UBTD1: variants seen among roughly 807,000 people sequenced by gnomAD.
The protein encoded by UBTD1 is ubiquitin domain-containing protein 1.
UBTD1 carries 19 observed loss-of-function variants against 21.7 expected under a neutral mutation model. The observed-to-expected ratio is 0.87, with a 90% CI of 0.61 to 1.28. UBTD1 has a LOEUF of 1.28. UBTD1 is among the 50% of genes most tolerant of loss of function. The pLI is 0.00. For missense variants in UBTD1, 282 were observed against 315.1 expected (o/e 0.89, Z 0.80); for synonymous variants, 116 against 135.1 (o/e 0.86, Z 0.98).
intron 1 of UBTD1, among the ~76,000 whole-genome samples, chr10:97,531,486 A>G (rs2040531849): frequency 1.3e-5 from 2 of 152,120 alleles, no homozygotes; most frequent in Non-Finnish European, 1.5e-5. Flanking sequence ...CCTGACCTCA[A>G]GTGATCTGCC....
chr10:97,521,663 T>G (rs1403576314), intron 1 of UBTD1, among the ~76,000 whole-genome samples: 2 of 152,258 alleles, frequency 1.3e-5, no homozygotes, highest in Non-Finnish European at 2.9e-5. Context: ...AACCAGATCC[T>G]GGAGCTCTGT....
chr10:97,556,348 C>T (rs572277964), intron 1 of UBTD1, among the ~76,000 whole-genome samples: 1 of 152,168 alleles, frequency 6.6e-6, no homozygotes, highest in Non-Finnish European at 1.5e-5. Flanking sequence ...AAATTTTTCA[C>T]AAACACCTTC....
At chr10:97,549,496 A>T (rs1185276159) in intron 1 of UBTD1, among the ~76,000 whole-genome samples, 1 of 152,200 alleles carries the variant, frequency 6.6e-6, no homozygotes, top group Non-Finnish European at 1.5e-5. Context: ...GAACTGGAGG[A>T]TGTCCCAGCC....
intron 1 of UBTD1, among the ~76,000 whole-genome samples, chr10:97,516,282 T>G (rs1432438357): frequency 6.6e-6 from 1 of 152,236 alleles, no homozygotes; most frequent in Non-Finnish European, 1.5e-5. Context: ...GCCTCTCTGC[T>G]TTTGTCTGAG....
At chr10:97,540,084 G>T (rs1477875514) in intron 1 of UBTD1, among the ~76,000 whole-genome samples, 4 of 152,194 alleles carry the variant, frequency 2.6e-5, no homozygotes, top group Non-Finnish European at 5.9e-5. Context: ...CCAGGGTTGG[G>T]GTCATCGCCT....
At chr10:97,562,738 C>T (rs1224576392) in intron 1 of UBTD1, among the ~76,000 whole-genome samples, 2 of 152,184 alleles carry the variant, frequency 1.3e-5, no homozygotes, top group Non-Finnish European at 2.9e-5. Flanking sequence ...AAGGCAGGAA[C>T]TGGGCTATTT....
At chr10:97,525,910 A>C (rs1346699569) in intron 1 of UBTD1, among the ~76,000 whole-genome samples, 1 of 152,240 alleles carries the variant, frequency 6.6e-6, no homozygotes, top group Non-Finnish European at 1.5e-5. Context: ...CTTGATTTCC[A>C]TGCTAAGGTG....
chr10:97,546,589 G>GAA (rs397741674), intron 1 of UBTD1, among the ~76,000 whole-genome samples: 67,049 of 117,918 alleles, frequency 0.57, 21,625 homozygotes, highest in Non-Finnish European at 0.72. Context: ...CCCTGTCTCA[G>GAA]AAAAAAAAAA....
At chr10:97,543,354 C>T (rs553203583) in intron 1 of UBTD1, among the ~76,000 whole-genome samples, 40 of 152,294 alleles carry the variant, frequency 2.6e-4, no homozygotes, top group African/African-American at 8.4e-4. Flanking sequence ...CTGCATGGCC[C>T]GAGCCTGGCT....
chr10:97,512,395 C>A (rs2040426596), intron 1 of UBTD1, among the ~76,000 whole-genome samples: 1 of 152,222 alleles, frequency 6.6e-6, no homozygotes. Flanking sequence ...GCCAAGAGCT[C>A]ATTTAGGTCT....
intron 1 of UBTD1, among the ~76,000 whole-genome samples, chr10:97,504,295 C>T (rs188243416): frequency 2.6e-3 from 351 of 133,590 alleles, no homozygotes; most frequent in Non-Finnish European, 3.9e-3. Flanking sequence ...AACTGTAAGT[C>T]AGATTTCATT....
At chr10:97,511,660 A>ATT (rs35345352) in intron 1 of UBTD1, among the ~76,000 whole-genome samples, 11 of 148,816 alleles carry the variant, frequency 7.4e-5, no homozygotes, top group African/African-American at 2.5e-4. Flanking sequence ...CATGGCATTG[A>ATT]TTTTTTTTTT....
chr10:97,499,096 A>G lies in UBTD1; in HGVS notation c.-108A>G, dbSNP rs2040290316. On this transcript the variant is annotated 5_prime_UTR_variant, in exon 1 of 3. Transcript: ENST00000370664. ...GCGCGCCCCCGGGGGGAGATCGGGGAGCGCCCGATGCCGGGCGGCCGGAGC... is the reference window on the plus strand; with the variant it reads ...GCGCGCCCCCGGGGGGAGATCGGGGGGCGCCCGATGCCGGGCGGCCGGAGC... 8 of 1,264,994 alleles carry G rather than the reference A, an allele frequency of 6.3e-6. No homozygotes were observed. In the Admixed American group the frequency reaches 8.5e-5, roughly 13 times the overall value. The allele number at this position is 1,264,994 out of a possible 1,614,324, so 78.4% of individuals were successfully genotyped here.
chr10:97,528,287 T>C (rs2040502480), intron 1 of UBTD1, among the ~76,000 whole-genome samples: 1 of 127,118 alleles, frequency 7.9e-6, no homozygotes, highest in South Asian at 2.6e-4. Flanking sequence ...ACGGGGCGGC[T>C]GGCCGGGCAG....
At chr10:97,535,182 T>C (rs11189268) in intron 1 of UBTD1, among the ~76,000 whole-genome samples, 28,932 of 152,172 alleles carry the variant, frequency 0.19, 3,603 homozygotes, top group Non-Finnish European at 0.27. Context: ...ACCATCCAGG[T>C]TGGCCAAAGC....
intron 1 of UBTD1, among the ~76,000 whole-genome samples, chr10:97,565,237 C>G (rs925686638): frequency 1.3e-5 from 2 of 152,118 alleles, no homozygotes; most frequent in African/African-American, 4.8e-5. Context: ...AGTACTGTGC[C>G]AACTGTAGCT....
intron 1 of UBTD1, among the ~76,000 whole-genome samples, chr10:97,537,530 A>G (rs1164539276): frequency 1.3e-5 from 2 of 152,200 alleles, no homozygotes. Flanking sequence ...CTGAGGCGCA[A>G]AGCTTGTATG....
intron 1 of UBTD1, among the ~76,000 whole-genome samples, chr10:97,528,336 C>G (rs868061426): frequency 1.1e-5 from 1 of 94,074 alleles, no homozygotes; most frequent in Admixed American, 9.9e-5. Context: ...CGGGGCGGCT[C>G]GCCTGGCGGG....
Position 97,570,017 on chromosome 10 carries a change from A to G in UBTD1, c.299-121A>G. ...CTTTATTTATTTCTGTATAGGCCCC[A>G]TGTCCAAATACAGTCACATTGGGGG... On this transcript the variant is annotated intron_variant, in intron 2 of 2. Coordinates refer to ENST00000370664, the MANE Select transcript of UBTD1 (RefSeq NM_024954.5). The surrounding 1 kb of genome is among the most constrained non-coding windows in gnomAD (Gnocchi z 6.6). The G allele has an allele frequency of 5.1e-6, 7 of 1,378,356 alleles. No individual in the cohort carries two copies. The South Asian group carries it at 6.9e-5, about 14-fold the overall frequency. The allele number at this position is 1,378,356 out of a possible 1,614,324, so 85.4% of individuals were successfully genotyped here. A position where few individuals can be genotyped will look rare whatever the true frequency, so the allele number is the denominator to read the frequency against.
Sources: gnomAD v4.1 joint callset for allele counts (sites outside exome capture counted in the v4.1 genomes callset) on GRCh38, gnomAD v4.1.1 for gene constraint, Gnocchi (gnomAD v3.1) non-coding constraint, MANE v1.5 for transcripts, NCBI Gene and HGNC (gene_info 2026-07-23, HGNC 2026-07-21) for gene names.